LONP2: variants seen among roughly 807,000 people sequenced by gnomAD.
LONP2 encodes the protein lon peptidase 2, peroxisomal.
Under a neutral mutation model 85.6 loss-of-function variants are expected in LONP2, and 60 were observed. That is an observed-to-expected ratio of 0.70 (90% CI 0.57 to 0.87). The LOEUF (loss-of-function observed/expected upper bound fraction) is 0.87. LONP2 is among the 40% of genes least tolerant of loss of function. The pLI, the probability that LONP2 is intolerant of heterozygous loss-of-function variation, is 0.00. For missense variants in LONP2, 860 were observed against 1,063.5 expected (o/e 0.81, Z 2.66); for synonymous variants, 395 against 389.7 (o/e 1.01, Z -0.16).
intron 2 of LONP2, among the ~76,000 whole-genome samples, chr16:48,254,417 G>T (rs558964941): frequency 6.7e-6 from 1 of 149,514 alleles, no homozygotes; most frequent in East Asian, 2.0e-4. Context: ...AGGCTGGAGT[G>T]CAGTGGTGCA....
At chr16:48,332,710 CA>C (rs965466273) in intron 11 of LONP2, among the ~76,000 whole-genome samples, 246 of 139,710 alleles carry the variant, frequency 1.8e-3, no homozygotes, top group Admixed American at 2.2e-3. Flanking sequence ...GACTCCATCT[CA>C]AAAAAAAAAA....
At chr16:48,312,314 A>C (rs1050861708) in intron 11 of LONP2, among the ~76,000 whole-genome samples, 1 of 150,870 alleles carries the variant, frequency 6.6e-6, no homozygotes, top group Non-Finnish European at 1.5e-5. Flanking sequence ...TTTAGTTAGG[A>C]TCCATTGCTA....
intron 11 of LONP2, among the ~76,000 whole-genome samples, chr16:48,309,684 T>G (rs181764232): frequency 6.6e-6 from 1 of 152,368 alleles, no homozygotes; most frequent in Admixed American, 6.5e-5. Flanking sequence ...GATTTTTAGT[T>G]TTATTCCATT....
At chr16:48,271,085 T>A (rs1278819059) in intron 7 of LONP2, among the ~76,000 whole-genome samples, 1 of 152,182 alleles carries the variant, frequency 6.6e-6, no homozygotes, top group Non-Finnish European at 1.5e-5. Flanking sequence ...GAGGCTGAGA[T>A]GGGAGAATCA....
chr16:48,356,742 C>A lies in LONP2; in HGVS notation c.*4940C>A. On this transcript the variant is annotated 3_prime_UTR_variant, in exon 15 of 15. Transcript: ENST00000285737. Reference sequence around the variant, plus strand: ...GGTCATTGAGATGTTTTAAAAGTTACAGCAAAAGGACTTCTAAAACAATTT... The same window carrying A: ...GGTCATTGAGATGTTTTAAAAGTTAAAGCAAAAGGACTTCTAAAACAATTT... The A allele has an allele frequency of 6.2e-6, 2 of 322,902 alleles. No homozygotes were observed. The highest frequency in any genetic ancestry group is 1.2e-5 in the Non-Finnish European group (2 of 160,272). 20.0% of individuals were successfully genotyped at this position (322,902 alleles called of 1,614,324 possible).
intron 8 of LONP2, among the ~76,000 whole-genome samples, chr16:48,278,046 C>G (rs1009728989): frequency 2.4e-4 from 36 of 151,306 alleles, no homozygotes; most frequent in African/African-American, 8.8e-4. Flanking sequence ...TTGTTTTTTT[C>G]TTGTGAATAC....
chr16:48,294,733 C>CAAACAAAACA (rs374800451), intron 8 of LONP2, among the ~76,000 whole-genome samples: 43 of 152,108 alleles, frequency 2.8e-4, no homozygotes, highest in African/African-American at 9.7e-4. Context: ...GACTCTGTCT[C>CAAACAAAACA]AAACAAAACA....
In LONP2 at chr16:48,362,435, A is replaced by C. The variant is rs1164810949; in HGVS notation, c.*572A>C. ...TAGCAGTCTGACGGCTCATTTCTGA[A>C]ATAAATACATAAGGAGGCAGGAGAA... On this transcript the variant is annotated 3_prime_UTR_variant, in exon 5 of 5. Coordinates refer to the LONP2 transcript ENST00000565867. The surrounding 1 kb of genome is among the most constrained non-coding windows in gnomAD (Gnocchi z 4.2). 1 of 1,613,820 alleles carries C rather than the reference A, an allele frequency of 6.2e-7. No homozygotes were observed. Among genetic ancestry groups the C allele is most frequent in the East Asian group, 2.2e-5 (1 of 44,878 alleles).
intron 14 of LONP2, 44 bp downstream of exon 14, chr16:48,348,334 T>C (rs564683772): frequency 8.0e-7 from 1 of 1,250,244 alleles, no homozygotes; most frequent in Non-Finnish European, 1.1e-6. Flanking sequence ...TTTATTTAAT[T>C]TTTGAAAATT....
intron 11 of LONP2, among the ~76,000 whole-genome samples, chr16:48,311,679 G>T (rs1020502113): frequency 6.6e-6 from 1 of 151,966 alleles, no homozygotes; most frequent in African/African-American, 2.4e-5. Context: ...CTGTTGCCTT[G>T]TCTGGAGTGC....
chr16:48,296,351 G>A (rs1427312886), intron 9 of LONP2, among the ~76,000 whole-genome samples, 186 bp downstream of exon 9: 2 of 152,146 alleles, frequency 1.3e-5, no homozygotes, highest in Non-Finnish European at 2.9e-5. Context: ...AACAGCAAAC[G>A]TTGACAACAA....
chr16:48,247,723 C>T (rs1971488944), intron 1 of LONP2, among the ~76,000 whole-genome samples: 1 of 152,180 alleles, frequency 6.6e-6, no homozygotes, highest in Non-Finnish European at 1.5e-5. Flanking sequence ...TTAGTACTAC[C>T]TGTACAATAT....
At chr16:48,245,587 C>A (rs1971325557) in intron 1 of LONP2, among the ~76,000 whole-genome samples, 1 of 152,120 alleles carries the variant, frequency 6.6e-6, no homozygotes, top group African/African-American at 2.4e-5. Context: ...CATTGAAAGT[C>A]CTATGTTTTA....
chr16:48,320,699 A>G (rs993279177), intron 11 of LONP2, among the ~76,000 whole-genome samples: 12 of 152,154 alleles, frequency 7.9e-5, no homozygotes, highest in Admixed American at 7.9e-4. Context: ...GATATACTAA[A>G]TATTATTTTC....
chr16:48,328,873 T>G (rs141867169), intron 11 of LONP2, among the ~76,000 whole-genome samples: 1 of 151,898 alleles, frequency 6.6e-6, no homozygotes, highest in Non-Finnish European at 1.5e-5. Flanking sequence ...GGAGCCAGTA[T>G]ATAATTCAGT....
rs117074907 is a variant in LONP2 at position 48,307,786 on chromosome 16, G to A, written c.1795+4481G>A. Among the ~76,000 whole-genome samples, 60 of 152,298 alleles carry A rather than the reference G, an allele frequency of 3.9e-4. 1 individual carries two copies. The East Asian group carries it at 0.011, about 27-fold the overall frequency. ...TTATTCCATTTTGCTGTGCTACAAAGGAATACTTGAGGCTGGGTAATTTAT... is the reference window on the plus strand; with the variant it reads ...TTATTCCATTTTGCTGTGCTACAAAAGAATACTTGAGGCTGGGTAATTTAT... On this transcript the variant is annotated intron_variant, in intron 11 of 14. Coordinates refer to ENST00000285737, the MANE Select transcript of LONP2 (RefSeq NM_031490.5).
At chr16:48,259,725 A>G (rs967573603) in intron 4 of LONP2, among the ~76,000 whole-genome samples, 2 of 152,202 alleles carry the variant, frequency 1.3e-5, no homozygotes, top group African/African-American at 4.8e-5. Context: ...AACAGTGATG[A>G]TCATGCTGGC....
chr16:48,314,914 C>T (rs1018489621), intron 11 of LONP2, among the ~76,000 whole-genome samples: 3 of 152,192 alleles, frequency 2.0e-5, no homozygotes, highest in Non-Finnish European at 4.4e-5. Context: ...GGATTTTCTG[C>T]ATCTACCATC....
chr16:48,343,216 A>C (rs892008631), intron 12 of LONP2, among the ~76,000 whole-genome samples: 7 of 152,128 alleles, frequency 4.6e-5, no homozygotes, highest in African/African-American at 1.4e-4. Context: ...TGTTGAATGA[A>C]TGTCAAATAT....
Sources: allele counts gnomAD v4.1 joint callset (sites outside exome capture counted in the v4.1 genomes callset), GRCh38; gene constraint gnomAD v4.1.1; non-coding constraint Gnocchi (gnomAD v3.1); transcripts MANE v1.5; gene names NCBI Gene and HGNC (gene_info 2026-07-23, HGNC 2026-07-21).